The following WDR7 variants were observed in gnomAD, a reference collection of about 807,000 sequenced individuals.
WDR7 encodes WD repeat domain 7.
WDR7 carries 46 observed loss-of-function variants against 169.4 expected under a neutral mutation model. The ratio of observed to expected loss-of-function variants is 0.27; its 90% confidence interval spans 0.21 to 0.35. WDR7 has a LOEUF of 0.35. Among genes scored for constraint, WDR7 ranks in the 10% least tolerant of loss-of-function variants. WDR7 has a pLI of 1.00. For synonymous variants in WDR7, 612 were observed against 666.8 expected, an observed-to-expected ratio of 0.92 and a Z score of 1.27; for missense variants, 1,534 against 1,859.3, an observed-to-expected ratio of 0.83 and a Z score of 3.22.
intron 18 of WDR7, among the ~76,000 whole-genome samples, chr18:56,780,639 T>C (rs929014534): frequency 2.7e-5 from 4 of 149,902 alleles, no homozygotes; most frequent in African/African-American, 1.0e-4. Flanking sequence ...CTACTAAAAA[T>C]ACAAAAAAAA....
chr18:56,693,640 C>T (rs559850539), intron 9 of WDR7, among the ~76,000 whole-genome samples: 19 of 120,232 alleles, frequency 1.6e-4, no homozygotes, highest in African/African-American at 5.6e-4. Flanking sequence ...GGTGTGATCT[C>T]GGCTCACTGC....
chr18:56,764,944 C>T (rs976838672), intron 16 of WDR7, among the ~76,000 whole-genome samples: 10 of 152,160 alleles, frequency 6.6e-5, no homozygotes, highest in African/African-American at 2.4e-4. Context: ...GTGCATAAAC[C>T]TTTGGAATTT....
At chr18:56,752,396 T>C (rs1260624667) in intron 14 of WDR7, among the ~76,000 whole-genome samples, 2 of 152,214 alleles carry the variant, frequency 1.3e-5, no homozygotes, top group Non-Finnish European at 2.9e-5. Context: ...TCACCCGAGA[T>C]GGAGCTGGTA....
chr18:56,798,739 T>G (rs528620068), intron 19 of WDR7, among the ~76,000 whole-genome samples: 1 of 152,332 alleles, frequency 6.6e-6, no homozygotes, highest in African/African-American at 2.4e-5. Context: ...TATAAAAGTT[T>G]TCTTAATAAA....
intron 13 of WDR7, among the ~76,000 whole-genome samples, 198 bp from the exon 14 acceptor site, chr18:56,731,185 T>C (rs2026578189): frequency 6.6e-6 from 1 of 152,110 alleles, no homozygotes; most frequent in South Asian, 2.1e-4. Context: ...CATCAGGGAC[T>C]TTGTGGGAGA....
Position 56,731,664 on chromosome 18 carries a change from T to C in WDR7, c.1989+67T>C, listed in dbSNP as rs2026591017. On this transcript the variant is annotated intron_variant, in intron 14 of 27. Coordinates refer to ENST00000254442, the MANE Select transcript of WDR7 (RefSeq NM_015285.3). ...TTAACTTCATTTAGTAACATGGCTT[T>C]GGCATATCTTAGAAAATAATTTTTG... The C allele has an allele frequency of 1.3e-5, 17 of 1,322,646 alleles. No homozygotes were observed. In the South Asian group the frequency reaches 2.6e-4, roughly 20 times the overall value. 81.9% of individuals were successfully genotyped at this position (1,322,646 alleles called of 1,614,324 possible). A position where few individuals can be genotyped will look rare whatever the true frequency, so the allele number is the denominator to read the frequency against.
intron 14 of WDR7, among the ~76,000 whole-genome samples, chr18:56,734,868 A>C (rs982509056): frequency 6.6e-6 from 1 of 152,170 alleles, no homozygotes; most frequent in Non-Finnish European, 1.5e-5. Flanking sequence ...ACTATATTGC[A>C]TTGTAGTATA....
intron 24 of WDR7, among the ~76,000 whole-genome samples, chr18:56,939,053 C>T (rs1189537703): frequency 1.3e-5 from 2 of 151,998 alleles, no homozygotes; most frequent in South Asian, 2.1e-4. Flanking sequence ...GTATTATGTA[C>T]ATAAATATGA....
At chr18:56,727,472 G>A (rs2026485251) in intron 13 of WDR7, among the ~76,000 whole-genome samples, 1 of 152,122 alleles carries the variant, frequency 6.6e-6, no homozygotes, top group Non-Finnish European at 1.5e-5. Context: ...GGTTGGGGAG[G>A]CCTCAGGAAA....
At chr18:56,982,422 T>G (rs140486260) in intron 26 of WDR7, among the ~76,000 whole-genome samples, 14 of 152,338 alleles carry the variant, frequency 9.2e-5, no homozygotes, top group African/African-American at 3.1e-4. Context: ...AGGCTTTTTC[T>G]TCATTTTTGG....
At chr18:56,847,006 C>T (rs937261232) in intron 20 of WDR7, among the ~76,000 whole-genome samples, 5 of 152,128 alleles carry the variant, frequency 3.3e-5, no homozygotes, top group Admixed American at 2.6e-4. Flanking sequence ...AACTGGGTAA[C>T]AGGCAGACGT....
chr18:56,834,182 A>G (rs1048406197), intron 20 of WDR7, among the ~76,000 whole-genome samples: 2 of 152,196 alleles, frequency 1.3e-5, no homozygotes, highest in African/African-American at 4.8e-5. Flanking sequence ...AGACAGCACA[A>G]CAATCTCTCT....
intron 21 of WDR7, among the ~76,000 whole-genome samples, chr18:56,890,449 G>T (rs2046249359): frequency 6.6e-6 from 1 of 152,084 alleles, no homozygotes; most frequent in Non-Finnish European, 1.5e-5. Context: ...AGAAAGTGAA[G>T]CCAAATTTCA....
chr18:56,951,382 A>ACCTCTTCCTCACAC (rs1273740302), intron 25 of WDR7, among the ~76,000 whole-genome samples: 5 of 152,108 alleles, frequency 3.3e-5, no homozygotes, highest in Non-Finnish European at 5.9e-5. Context: ...ACACTCCCGT[A>ACCTCTTCCTCACAC]CCTCTTCCTC....
chr18:56,891,947 AGTTTTG>A (rs2046269577), intron 21 of WDR7, among the ~76,000 whole-genome samples: 1 of 152,080 alleles, frequency 6.6e-6, no homozygotes, highest in Non-Finnish European at 1.5e-5. Context: ...ATTGGATGGA[AGTTTTG>A]GCTACTCATT....
chr18:56,688,561 C>A (rs1446814824), intron 7 of WDR7, among the ~76,000 whole-genome samples: 19 of 135,230 alleles, frequency 1.4e-4, no homozygotes, highest in African/African-American at 2.8e-4. Flanking sequence ...ACTAAAAATA[C>A]AAAAAAAAAA....
At chr18:56,698,525 G>A (rs1442842649) in intron 12 of WDR7, among the ~76,000 whole-genome samples, 2 of 150,836 alleles carry the variant, frequency 1.3e-5, no homozygotes, top group Admixed American at 6.6e-5. Context: ...AGAATGGCGT[G>A]AACCCAGGAG....
intron 22 of WDR7, among the ~76,000 whole-genome samples, chr18:56,925,627 A>G (rs369705282): frequency 6.6e-6 from 1 of 152,100 alleles, no homozygotes; most frequent in Non-Finnish European, 1.5e-5. Flanking sequence ...AAGTTCTGGC[A>G]TGCTTTGGGT....
intron 20 of WDR7, among the ~76,000 whole-genome samples, chr18:56,878,049 T>C (rs1266764272): frequency 2.6e-5 from 4 of 152,198 alleles, no homozygotes; most frequent in Middle Eastern, 3.2e-3. Flanking sequence ...TAGACTATTT[T>C]TAGAATGGAG....
Sources: gnomAD v4.1 joint callset for allele counts (sites outside exome capture counted in the v4.1 genomes callset) on GRCh38, gnomAD v4.1.1 for gene constraint, MANE v1.5 for transcripts, NCBI Gene and HGNC (gene_info 2026-07-23, HGNC 2026-07-21) for gene names.